The following NRG2 variants were observed in gnomAD, a reference collection of about 807,000 sequenced individuals.
NRG2 encodes the protein neuregulin 2, also known as pro-neuregulin-2, membrane-bound isoform.
Under a neutral mutation model 73.9 loss-of-function variants are expected in NRG2, and 27 were observed. The ratio of observed to expected loss-of-function variants is 0.37; its 90% CI spans 0.27 to 0.50. The LOEUF is 0.50. NRG2 is among the 20% of genes least tolerant of loss of function. NRG2 has a pLI of 0.96. For synonymous variants in NRG2, 532 were observed against 541.0 expected (o/e 0.98, Z 0.23); for missense variants, 1,126 against 1,210.1 (o/e 0.93, Z 1.03).
In NRG2 at chr5:140,042,621, C is replaced by G; in HGVS notation, c.449G>C (p.Arg150Pro). The G allele has an allele frequency of 6.2e-7, 1 of 1,607,724 alleles. No individual in the cohort carries two copies. Among genetic ancestry groups the G allele is most frequent in the South Asian group, 1.1e-5 (1 of 90,362 alleles). Residue 150 changes from arginine (R) to proline (P), a missense_variant, in exon 1 of 10, where the codon CGA (arginine) becomes CCA (proline). Transcript: ENST00000361474. ...CACCCGACCCGAGGCGGGCGGCTCTCGGGTGCTGTTGGAGCTGGAGCCGCC... is the reference window on the plus strand; with the variant it reads ...CACCCGACCCGAGGCGGGCGGCTCTGGGGTGCTGTTGGAGCTGGAGCCGCC... The part of the protein sequence containing the change: ...PAGGSSSNST[R>P]EPPASGRVAL...
intron 1 of NRG2, among the ~76,000 whole-genome samples, chr5:139,978,248 G>GA (rs1028301094): frequency 1.0e-3 from 155 of 152,222 alleles, no homozygotes; most frequent in African/African-American, 2.8e-3. Flanking sequence ...AAATTTACAA[G>GA]AAAAAATCAA....
intron 4 of NRG2, among the ~76,000 whole-genome samples, chr5:139,866,889 C>T (rs1284651134): frequency 2.6e-5 from 4 of 152,306 alleles, no homozygotes; most frequent in Middle Eastern, 6.8e-3. Flanking sequence ...TTCTGAACCC[C>T]GGCAAGGCTG....
intron 1 of NRG2, among the ~76,000 whole-genome samples, chr5:139,966,542 C>A (rs1755533446): frequency 6.6e-6 from 1 of 151,976 alleles, no homozygotes; most frequent in Admixed American, 6.6e-5. Context: ...AAGATGAGCT[C>A]TTAGGGGTGG....
intron 3 of NRG2, 60 bp downstream of exon 3, chr5:139,880,796 G>T: frequency 7.5e-7 from 1 of 1,327,624 alleles, no homozygotes; most frequent in South Asian, 1.3e-5. Context: ...GGGCTGGGGG[G>T]CCACTGGCCC....
chr5:140,015,325 C>G (rs543106345), intron 1 of NRG2, among the ~76,000 whole-genome samples: 1 of 152,232 alleles, frequency 6.6e-6, no homozygotes, highest in South Asian at 2.1e-4. Flanking sequence ...AGGAGGAACT[C>G]AAATATTACT....
chr5:139,975,304 C>CT (rs1270268624), intron 1 of NRG2, among the ~76,000 whole-genome samples: 2 of 152,234 alleles, frequency 1.3e-5, no homozygotes. Context: ...TGGTCAGACC[C>CT]TTTTGCCTGT....
chr5:140,021,431 G>A (rs147152460), intron 1 of NRG2, among the ~76,000 whole-genome samples: 113 of 152,298 alleles, frequency 7.4e-4, no homozygotes, highest in African/African-American at 2.5e-3. Flanking sequence ...CCACTGTTTT[G>A]CTAGGAATGG....
chr5:139,967,126 G>GT (rs1755582232), intron 1 of NRG2, among the ~76,000 whole-genome samples: 1 of 152,202 alleles, frequency 6.6e-6, no homozygotes, highest in Non-Finnish European at 1.5e-5. Flanking sequence ...CGGGGATAGG[G>GT]TCAACGGGAG....
At chr5:139,884,754 A>G (rs1763755073) in intron 2 of NRG2, among the ~76,000 whole-genome samples, 1 of 152,248 alleles carries the variant, frequency 6.6e-6, no homozygotes, top group Non-Finnish European at 1.5e-5. Context: ...CCTCTAGCAG[A>G]GTGCCTGGCA....
rs1285526137 is a variant in NRG2, at chr5:140,043,213, G to A, written c.-144C>T. On this transcript the variant is annotated 5_prime_UTR_variant, in exon 1 of 10. Transcript: ENST00000361474. This position sits in a 1 kb window ranked among gnomAD's most constrained non-coding sequence, Gnocchi z 6.7. ...AGCCCGGGGAGGTGGCCCAGCTAGGGCAGGGGGCAGGCGGCAAGCGGGCCG... is the reference window on the plus strand; with the variant it reads ...AGCCCGGGGAGGTGGCCCAGCTAGGACAGGGGGCAGGCGGCAAGCGGGCCG... 2.2e-6 allele frequency: 2 copies of A among 894,652 alleles called. No individual in the cohort carries two copies. Among genetic ancestry groups the A allele is most frequent in the East Asian group, 6.1e-5 (2 of 32,810 alleles). 55.4% of individuals were successfully genotyped at this position (894,652 alleles called of 1,614,324 possible). A position where few individuals can be genotyped will look rare whatever the true frequency, so the allele number is the denominator to read the frequency against.
At chr5:139,924,392 A>G (rs972766456) in intron 1 of NRG2, among the ~76,000 whole-genome samples, 1 of 152,236 alleles carries the variant, frequency 6.6e-6, no homozygotes, top group African/African-American at 2.4e-5. Context: ...TATTTTTCTT[A>G]AGGGCAATGA....
At chr5:139,992,340 T>TA (rs1296334999) in intron 1 of NRG2, among the ~76,000 whole-genome samples, 1 of 152,266 alleles carries the variant, frequency 6.6e-6, no homozygotes, top group Non-Finnish European at 1.5e-5. Context: ...TATATCAAGC[T>TA]AACTGACTAA....
intron 1 of NRG2, among the ~76,000 whole-genome samples, chr5:139,940,962 G>C (rs917098489): frequency 6.6e-6 from 1 of 152,180 alleles, no homozygotes; most frequent in Non-Finnish European, 1.5e-5. Flanking sequence ...TTATATTTAA[G>C]CTAAGACCTG....
chr5:140,020,702 A>G (rs1047589356), intron 1 of NRG2, among the ~76,000 whole-genome samples: 1 of 152,246 alleles, frequency 6.6e-6, no homozygotes, highest in African/African-American at 2.4e-5. Context: ...GCATTTTAGC[A>G]AGATCGTCTC....
intron 1 of NRG2, among the ~76,000 whole-genome samples, chr5:140,037,071 T>C (rs1761557859): frequency 6.6e-6 from 1 of 152,372 alleles, no homozygotes; most frequent in Admixed American, 6.5e-5. Flanking sequence ...CTAAATTCCC[T>C]GGGATTGTAC....
chr5:139,970,874 T>TTGG (rs1755913873), intron 1 of NRG2, among the ~76,000 whole-genome samples: 1 of 152,224 alleles, frequency 6.6e-6, no homozygotes, highest in Admixed American at 6.5e-5. Context: ...TAGTTAGCAC[T>TTGG]ATCCATGAAA....
At chr5:139,992,641 G>A (rs918770322) in intron 1 of NRG2, among the ~76,000 whole-genome samples, 10 of 151,964 alleles carry the variant, frequency 6.6e-5, no homozygotes, top group Non-Finnish European at 1.2e-4. Flanking sequence ...AATAATTGTC[G>A]ATTAGAAAAA....
At chr5:140,004,589 A>G (rs373038938) in intron 1 of NRG2, among the ~76,000 whole-genome samples, 3 of 152,234 alleles carry the variant, frequency 2.0e-5, no homozygotes, top group African/African-American at 7.2e-5. Context: ...AGAAAATATT[A>G]GACAAACTCA....
At chr5:139,986,844 G>C (rs1427911931) in intron 1 of NRG2, among the ~76,000 whole-genome samples, 1 of 151,998 alleles carries the variant, frequency 6.6e-6, no homozygotes, top group Non-Finnish European at 1.5e-5. Flanking sequence ...CTACTGTATT[G>C]GACAGCACAG....
Sources: allele counts gnomAD v4.1 joint callset (sites outside exome capture counted in the v4.1 genomes callset), GRCh38; gene constraint gnomAD v4.1.1; non-coding constraint Gnocchi (gnomAD v3.1); transcripts MANE v1.5; gene names NCBI Gene and HGNC (gene_info 2026-07-23, HGNC 2026-07-21).